PRKG1: variants seen among roughly 807,000 people sequenced by gnomAD.
The protein encoded by PRKG1 is cGMP-dependent protein kinase 1.
A neutral mutation model predicts 88.1 loss-of-function variants in PRKG1; 35 were observed. The observed-to-expected ratio is 0.40, with a 90% CI of 0.30 to 0.53. PRKG1 has a LOEUF of 0.53. PRKG1 is among the 20% of genes least tolerant of loss of function. PRKG1 has a pLI of 0.59. For synonymous variants in PRKG1, 303 were observed against 292.5 expected, an observed-to-expected ratio of 1.04 and a Z score of -0.37; for missense variants, 540 against 839.8, an observed-to-expected ratio of 0.64 and a Z score of 4.41.
intron 3 of PRKG1, among the ~76,000 whole-genome samples, chr10:51,735,887 T>TGTA (rs1564626598): frequency 3.2e-5 from 4 of 125,980 alleles, no homozygotes; most frequent in African/African-American, 1.4e-4. Flanking sequence ...ATATGTATAT[T>TGTA]TATTTATTTA....
intron 2 of PRKG1, among the ~76,000 whole-genome samples, chr10:51,331,341 C>G (rs1369967492): frequency 6.6e-6 from 1 of 152,052 alleles, no homozygotes; most frequent in Non-Finnish European, 1.5e-5. Flanking sequence ...ACTGGGTTCA[C>G]CAAGCAAGTG....
At chr10:51,138,135 A>C (rs919524009) in intron 1 of PRKG1, among the ~76,000 whole-genome samples, 1 of 152,218 alleles carries the variant, frequency 6.6e-6, no homozygotes, top group Non-Finnish European at 1.5e-5. Flanking sequence ...TTAGTGGTTA[A>C]AATTATCTAT....
chr10:52,282,941 A>G (rs1842032141), intron 14 of PRKG1, among the ~76,000 whole-genome samples: 1 of 152,162 alleles, frequency 6.6e-6, no homozygotes, highest in South Asian at 2.1e-4. Context: ...AAGAATGAAT[A>G]TAAGGCAGCT....
chr10:51,639,341 G>C (rs1222860038), intron 3 of PRKG1, among the ~76,000 whole-genome samples: 1 of 149,382 alleles, frequency 6.7e-6, no homozygotes, highest in Non-Finnish European at 1.5e-5. Context: ...GGCTGAGGCA[G>C]GAGAATGGCG....
intron 1 of PRKG1, among the ~76,000 whole-genome samples, chr10:51,128,665 T>C (rs988574292): frequency 3.3e-5 from 5 of 152,198 alleles, no homozygotes; most frequent in Non-Finnish European, 2.9e-5. Context: ...TTTTCCAAAG[T>C]CTGATAAAGA....
At chr10:51,906,482 T>C (rs1157672073) in intron 4 of PRKG1, among the ~76,000 whole-genome samples, 3 of 152,114 alleles carry the variant, frequency 2.0e-5, no homozygotes, top group African/African-American at 7.2e-5. Context: ...ATTGGTTTGG[T>C]CTGGAAAGGC....
intron 5 of PRKG1, among the ~76,000 whole-genome samples, chr10:51,951,900 G>C (rs1843194010): frequency 6.6e-6 from 1 of 152,096 alleles, no homozygotes; most frequent in South Asian, 2.1e-4. Flanking sequence ...TTTACTGTTT[G>C]AAAATAATCA....
intron 7 of PRKG1, among the ~76,000 whole-genome samples, chr10:52,100,321 A>G (rs1247253686): frequency 6.6e-6 from 1 of 152,246 alleles, no homozygotes; most frequent in Non-Finnish European, 1.5e-5. Flanking sequence ...GCAGTGTTTG[A>G]CTAGTTTTCC....
At chr10:52,201,345 T>C (rs1039281393) in intron 9 of PRKG1, among the ~76,000 whole-genome samples, 4 of 152,200 alleles carry the variant, frequency 2.6e-5, no homozygotes, top group African/African-American at 9.6e-5. Context: ...ATTCACGTTG[T>C]CGAAGATCAA....
chr10:51,285,669 G>C (rs1415894355), intron 2 of PRKG1, among the ~76,000 whole-genome samples: 4 of 152,194 alleles, frequency 2.6e-5, no homozygotes. Context: ...GGACAAAATT[G>C]TAGGAGACTA....
At chr10:51,561,612 G>C (rs936493242) in intron 3 of PRKG1, among the ~76,000 whole-genome samples, 1 of 151,844 alleles carries the variant, frequency 6.6e-6, no homozygotes, top group Non-Finnish European at 1.5e-5. Flanking sequence ...AGAAATGATC[G>C]ATACAGGTTT....
At chr10:51,756,525 TA>T in intron 3 of PRKG1, among the ~76,000 whole-genome samples, 1 of 138,564 alleles carries the variant, frequency 7.2e-6, no homozygotes, top group African/African-American at 2.7e-5. Flanking sequence ...CAATTAAAAA[TA>T]AAAAGTAGGC....
chr10:51,134,795 G>A (rs1845651032), intron 1 of PRKG1, among the ~76,000 whole-genome samples: 1 of 152,048 alleles, frequency 6.6e-6, no homozygotes, highest in African/African-American at 2.4e-5. Context: ...TTTCCCTATA[G>A]TGTACAATAT....
upstream of PRKG1, among the ~76,000 whole-genome samples, chr10:51,071,134 G>T (rs1843821582): frequency 1.3e-5 from 2 of 152,270 alleles, no homozygotes; most frequent in Non-Finnish European, 2.9e-5. Flanking sequence ...AAGATAATTT[G>T]TCTGTTAAGA....
At chr10:51,580,268 A>G (rs1589102756) in intron 3 of PRKG1, among the ~76,000 whole-genome samples, 1 of 152,152 alleles carries the variant, frequency 6.6e-6, no homozygotes, top group African/African-American at 2.4e-5. Flanking sequence ...GCAAGGTACA[A>G]TGCAGTTTGT....
intron 10 of PRKG1, among the ~76,000 whole-genome samples, chr10:52,256,144 C>T (rs1378793950): frequency 7.2e-6 from 1 of 139,422 alleles, no homozygotes; most frequent in Non-Finnish European, 1.6e-5. Flanking sequence ...CCACCACCAT[C>T]AACAACCACC....
At chr10:51,803,914 A>T (rs113714073) in intron 3 of PRKG1, among the ~76,000 whole-genome samples, 327 of 152,292 alleles carry the variant, frequency 2.1e-3, no homozygotes, top group African/African-American at 7.3e-3. Flanking sequence ...TCATGTGCTT[A>T]ATAGATCAAA....
At chr10:51,608,061 C>A (rs1838811493) in intron 3 of PRKG1, among the ~76,000 whole-genome samples, 3 of 152,150 alleles carry the variant, frequency 2.0e-5, no homozygotes, top group Non-Finnish European at 4.4e-5. Flanking sequence ...CACCTTCAAC[C>A]CCTACTTGCT....
chr10:52,223,386 T>G (rs556632950), intron 9 of PRKG1, among the ~76,000 whole-genome samples: 3 of 152,138 alleles, frequency 2.0e-5, no homozygotes, highest in Non-Finnish European at 4.4e-5. Context: ...TTGAGACATT[T>G]TCTTCACTTG....
Sources: gnomAD v4.1 joint callset for allele counts (sites outside exome capture counted in the v4.1 genomes callset) on GRCh38, gnomAD v4.1.1 for gene constraint, MANE v1.5 for transcripts, NCBI Gene and HGNC (gene_info 2026-07-23, HGNC 2026-07-21) for gene names.